Variants in TTLL11 observed in about 807,000 individuals in gnomAD.
TTLL11 encodes the protein tubulin polyglutamylase TTLL11.
A neutral mutation model predicts 51.7 loss-of-function variants in TTLL11; 42 were observed. The ratio of observed to expected loss-of-function variants is 0.81; its 90% CI spans 0.64 to 1.05. The LOEUF (loss-of-function observed/expected upper bound fraction) is 1.05. Ranked by LOEUF, TTLL11 falls within the 50% of genes least tolerant of loss-of-function variation. TTLL11 has a pLI of 0.00. For synonymous variants in TTLL11, 381 were observed against 383.5 expected, an observed-to-expected ratio of 0.99 and a Z score of 0.08; for missense variants, 799 against 940.4, an observed-to-expected ratio of 0.85 and a Z score of 1.97.
chr9:121,985,273 T>A (rs1842914758), intron 4 of TTLL11, among the ~76,000 whole-genome samples: 1 of 152,172 alleles, frequency 6.6e-6, no homozygotes, highest in South Asian at 2.1e-4. Flanking sequence ...ATTCACAATC[T>A]TTATCTCATT....
chr9:121,944,127 G>T (rs377612443), intron 6 of TTLL11, among the ~76,000 whole-genome samples: 9 of 152,348 alleles, frequency 5.9e-5, no homozygotes, highest in African/African-American at 2.2e-4. Context: ...AGGAAGGCTG[G>T]TTGCACCATG....
chr9:121,871,707 G>A (rs1838363238), intron 6 of TTLL11, among the ~76,000 whole-genome samples: 1 of 152,148 alleles, frequency 6.6e-6, no homozygotes, highest in Non-Finnish European at 1.5e-5. Context: ...TGGCACTTGA[G>A]GCCCTTCCCG....
chr9:121,993,113 T>C (rs2900198), intron 3 of TTLL11, among the ~76,000 whole-genome samples: 10,139 of 151,744 alleles, frequency 0.067, 647 homozygotes, highest in African/African-American at 0.16. Context: ...AATGGTGTTT[T>C]CCAGGGCTGG....
intron 8 of TTLL11, among the ~76,000 whole-genome samples, chr9:121,830,792 C>T (rs1470427158): frequency 6.6e-6 from 1 of 152,178 alleles, no homozygotes; most frequent in Non-Finnish European, 1.5e-5. Context: ...TCCAGAAGGC[C>T]AGGCCACAGG....
intron 3 of TTLL11, among the ~76,000 whole-genome samples, chr9:122,006,626 A>C (rs892296690): frequency 6.6e-5 from 10 of 152,210 alleles, no homozygotes; most frequent in Admixed American, 4.6e-4. Context: ...TGACCACTTT[A>C]TTATGTCACA....
chr9:121,893,853 T>C (rs768586896), intron 6 of TTLL11, among the ~76,000 whole-genome samples: 1 of 152,228 alleles, frequency 6.6e-6, no homozygotes, highest in African/African-American at 2.4e-5. Flanking sequence ...CATACAGATA[T>C]CTGGAAAGCT....
intron 6 of TTLL11, among the ~76,000 whole-genome samples, chr9:121,955,539 G>C (rs1262131060): frequency 6.6e-6 from 1 of 152,158 alleles, no homozygotes; most frequent in East Asian, 1.9e-4. Context: ...ATTACTGTGA[G>C]TCACATTTTA....
chr9:121,909,616 C>G (rs1840045329), intron 6 of TTLL11, among the ~76,000 whole-genome samples: 1 of 152,124 alleles, frequency 6.6e-6, no homozygotes. Flanking sequence ...AAATGAGTAC[C>G]TACATTCCAG....
intron 8 of TTLL11, among the ~76,000 whole-genome samples, chr9:121,843,044 T>G (rs1455347026): frequency 6.6e-6 from 1 of 152,028 alleles, no homozygotes; most frequent in Non-Finnish European, 1.5e-5. Context: ...AGCTTAGAAG[T>G]CATTGCTCCT....
At chr9:122,028,119 A>G (rs2131799350) in intron 3 of TTLL11, among the ~76,000 whole-genome samples, 1 of 152,296 alleles carries the variant, frequency 6.6e-6, no homozygotes, top group East Asian at 1.9e-4. Context: ...GGTGAAAACT[A>G]AAAAGATTTT....
intron 3 of TTLL11, among the ~76,000 whole-genome samples, chr9:122,022,051 T>C (rs973940565): frequency 6.6e-6 from 1 of 151,994 alleles, no homozygotes; most frequent in Admixed American, 6.6e-5. Flanking sequence ...ATGAAAAAAA[T>C]GAGTGAATGT....
intron 6 of TTLL11, among the ~76,000 whole-genome samples, chr9:121,965,321 G>A (rs1025797010): frequency 2.0e-5 from 3 of 152,176 alleles, no homozygotes; most frequent in Admixed American, 6.5e-5. Context: ...AAGCATGACT[G>A]GGAGGCCTCA....
intron 6 of TTLL11, chr9:121,885,651 T>G (rs1399753735): frequency 4.6e-5 from 7 of 152,274 alleles, no homozygotes; most frequent in African/African-American, 1.7e-4. Flanking sequence ...CTTATGATTC[T>G]GGATTGGCTG....
rs559568964 is a variant in TTLL11 at position 122,093,278 on chromosome 9, A to C, written c.-130T>G. ...TTCCCCGCCCGAGCCCGTTGCCATG[A>C]TCGCTCAGGCTCGGGTTGACAGCGG... On this transcript the variant is annotated 5_prime_UTR_variant, in exon 1 of 9. Transcript: ENST00000321582. 6.4e-7 allele frequency: 1 copy of C among 1,557,164 alleles called. No homozygotes were observed. Among genetic ancestry groups the C allele is most frequent in the African/African-American group, 1.4e-5 (1 of 71,244 alleles).
intron 6 of TTLL11, among the ~76,000 whole-genome samples, chr9:121,925,721 G>A (rs902800439): frequency 2.6e-5 from 4 of 152,204 alleles, no homozygotes; most frequent in African/African-American, 9.7e-5. Flanking sequence ...GCAGGGGCTG[G>A]TCTCTGAATC....
chr9:121,888,970 C>T (rs1302493157), intron 6 of TTLL11, among the ~76,000 whole-genome samples: 2 of 152,210 alleles, frequency 1.3e-5, no homozygotes, highest in Non-Finnish European at 2.9e-5. Flanking sequence ...CAGTGCTTTG[C>T]CCAAGGACAC....
At chr9:121,845,023 A>G (rs1230324226) in intron 8 of TTLL11, among the ~76,000 whole-genome samples, 3 of 151,964 alleles carry the variant, frequency 2.0e-5, no homozygotes, top group Non-Finnish European at 1.5e-5. Context: ...AAGCTCACAG[A>G]AAACCGTGCA....
chr9:121,850,706 C>A (rs926934601), intron 8 of TTLL11, among the ~76,000 whole-genome samples: 2 of 152,182 alleles, frequency 1.3e-5, no homozygotes, highest in African/African-American at 4.8e-5. Flanking sequence ...ACTCACACAC[C>A]AATCTCCTAT....
intron 1 of TTLL11, among the ~76,000 whole-genome samples, chr9:122,053,794 G>T (rs1285535041): frequency 2.0e-5 from 3 of 152,086 alleles, no homozygotes; most frequent in Non-Finnish European, 2.9e-5. Flanking sequence ...CCTGCCCGTG[G>T]GCTACATTCC....
Sources: allele counts gnomAD v4.1 joint callset (sites outside exome capture counted in the v4.1 genomes callset), GRCh38; gene constraint gnomAD v4.1.1; transcripts MANE v1.5; gene names NCBI Gene and HGNC (gene_info 2026-07-23, HGNC 2026-07-21).